The following HNRNPA1L2 variants were observed in gnomAD, a reference collection of about 807,000 sequenced individuals.
HNRNPA1L2 encodes heterogeneous nuclear ribonucleoprotein A1 like 2.
In HNRNPA1L2, 10 loss-of-function variants were observed where a neutral mutation model predicts 18.2. The observed-to-expected ratio is 0.55, with a 90% confidence interval of 0.34 to 0.93. The LOEUF (loss-of-function observed/expected upper bound fraction) is 0.93, where lower values mean the gene tolerates loss of function less well. Among genes scored for constraint, HNRNPA1L2 ranks in the 40% least tolerant of loss-of-function variants. The pLI is 0.02. For synonymous variants in HNRNPA1L2, 124 were observed against 138.6 expected (o/e 0.89, Z 0.74); for missense variants, 308 against 394.4 (o/e 0.78, Z 1.85).
chr13:52,628,830 T>C, the HNRNPA1L2 span, among the ~76,000 whole-genome samples: 1 of 152,258 alleles, frequency 6.6e-6, no homozygotes, highest in African/African-American at 2.4e-5. Context: ...GTTATCACTG[T>C]CCTGTTTCAG....
At chr13:52,633,752 C>T in the HNRNPA1L2 span, among the ~76,000 whole-genome samples, 2 of 152,088 alleles carry the variant, frequency 1.3e-5, no homozygotes, top group Middle Eastern at 3.2e-3. Flanking sequence ...TTCGATGCTG[C>T]AATGAGTTAC....
chr13:52,618,931 A>T, the HNRNPA1L2 span, among the ~76,000 whole-genome samples: 6 of 152,220 alleles, frequency 3.9e-5, no homozygotes, highest in Non-Finnish European at 7.3e-5. Context: ...TCTTGAAAGG[A>T]AACATTGTAG....
At chr13:52,634,973 A>T in the HNRNPA1L2 span, among the ~76,000 whole-genome samples, 4 of 152,266 alleles carry the variant, frequency 2.6e-5, no homozygotes, top group Non-Finnish European at 5.9e-5. Flanking sequence ...GTAAAATATG[A>T]TGATCCTAAT....
chr13:52,642,849 T>A lies in HNRNPA1L2; in HGVS notation c.357T>A (p.His119Gln). Residue 119 changes from histidine to glutamine, a missense_variant, in exon 1 of 1, where the codon CAT (histidine) becomes CAA (glutamine). His to Gln is a conservative substitution (Grantham distance 24). Transcript: ENST00000357495. ...GCATTAAAGAAGACACTGAAGAACA[T>A]CACCTAAGAGATTATTTTGAACAGT... ...VGGIKEDTEEHHLRDYFEQYG... is the reference protein window; with the variant it reads ...VGGIKEDTEEQHLRDYFEQYG... 6.3e-7 allele frequency: 1 copy of A among 1,596,522 alleles called. No homozygotes were observed. The highest frequency in any genetic ancestry group is 8.5e-7 in the Non-Finnish European group (1 of 1,179,656).
the HNRNPA1L2 span, among the ~76,000 whole-genome samples, chr13:52,626,172 A>G: frequency 3.9e-5 from 6 of 152,058 alleles, no homozygotes; most frequent in Non-Finnish European, 5.9e-5. Context: ...TTTCTCCAAG[A>G]ACTTTAGGAA....
chr13:52,619,624 T>G, the HNRNPA1L2 span, among the ~76,000 whole-genome samples: 9,340 of 151,996 alleles, frequency 0.061, 330 homozygotes, highest in African/African-American at 0.095. Context: ...GTGTTAACTT[T>G]AAGTGTAGAA....
chr13:52,621,310 C>G, the HNRNPA1L2 span, among the ~76,000 whole-genome samples: 1 of 152,128 alleles, frequency 6.6e-6, no homozygotes, highest in Non-Finnish European at 1.5e-5. Context: ...TTTAGCTTAG[C>G]TTACAAGTGG....
chr13:52,642,600 AT>A lies in HNRNPA1L2; in HGVS notation c.109del (p.Trp37GlyfsTer9), dbSNP rs780054685. 6.2e-7 allele frequency: 1 copy of A among 1,611,906 alleles called. No individual in the cohort carries two copies. The highest frequency in any genetic ancestry group is 8.5e-7 in the Non-Finnish European group (1 of 1,179,838). ...DESLRSHFEQ[W>X]GTLTDCVVMR... ...AGAGCCTGAGGAGCCATTTTGAGCA[AT>A]GGGGAACGCTCACAGACTGTGTGGT... On this transcript the variant is annotated frameshift_variant, in exon 1 of 1. Transcript: ENST00000357495. LOFTEE classifies it high-confidence loss of function.
At chr13:52,642,293 G>A, upstream of HNRNPA1L2, 1 of 705,774 alleles carries the variant, frequency 1.4e-6, no homozygotes. Context: ...CTACTGTTAT[G>A]TATACTTGTC....
the HNRNPA1L2 span, among the ~76,000 whole-genome samples, chr13:52,626,422 C>T: frequency 7.3e-6 from 1 of 137,778 alleles, no homozygotes; most frequent in African/African-American, 2.7e-5. Flanking sequence ...GAGATCCCAT[C>T]TCTTAAAAAA....
the HNRNPA1L2 span, among the ~76,000 whole-genome samples, chr13:52,633,174 T>C: frequency 1.3e-5 from 2 of 152,236 alleles, no homozygotes; most frequent in East Asian, 3.8e-4. Flanking sequence ...TATATCTCTA[T>C]GCTATTACAT....
chr13:52,639,897 T>TTTTTTTTTTTTG (rs1961599067), upstream of HNRNPA1L2, among the ~76,000 whole-genome samples: 4 of 133,642 alleles, frequency 3.0e-5, no homozygotes, highest in African/African-American at 1.2e-4. Flanking sequence ...TTTTTTTTTG[T>TTTTTTTTTTTTG]TTTTTTTTTT....
chr13:52,625,707 A>C, the HNRNPA1L2 span, among the ~76,000 whole-genome samples: 1 of 152,240 alleles, frequency 6.6e-6, no homozygotes, highest in African/African-American at 2.4e-5. Context: ...AATGATGTGG[A>C]ATACGGTTAA....
chr13:52,637,997 C>T (rs1247887942), upstream of HNRNPA1L2, among the ~76,000 whole-genome samples: 1 of 151,968 alleles, frequency 6.6e-6, no homozygotes, highest in African/African-American at 2.4e-5. Flanking sequence ...TAAGATAATT[C>T]TTATACAAAA....
the HNRNPA1L2 span, among the ~76,000 whole-genome samples, chr13:52,631,068 G>T: frequency 6.6e-6 from 1 of 152,204 alleles, no homozygotes; most frequent in Non-Finnish European, 1.5e-5. Flanking sequence ...AGCTAAAGGG[G>T]AGTAAGGGGA....
chr13:52,638,547 A>G (rs928767104), upstream of HNRNPA1L2, among the ~76,000 whole-genome samples: 6 of 152,190 alleles, frequency 3.9e-5, no homozygotes, highest in African/African-American at 1.4e-4. Context: ...TTGTCTTACC[A>G]CTATTCTTAA....
the HNRNPA1L2 span, among the ~76,000 whole-genome samples, chr13:52,632,186 C>T: frequency 6.6e-6 from 1 of 152,108 alleles, no homozygotes; most frequent in East Asian, 1.9e-4. Flanking sequence ...CTAATCTTTT[C>T]AGTTGGATAT....
chr13:52,625,616 T>C, the HNRNPA1L2 span, among the ~76,000 whole-genome samples: 1 of 152,212 alleles, frequency 6.6e-6, no homozygotes, highest in South Asian at 2.1e-4. Context: ...AATATTCACC[T>C]ATGTTCTGTG....
the HNRNPA1L2 span, among the ~76,000 whole-genome samples, chr13:52,626,830 T>A: frequency 2.0e-5 from 3 of 152,188 alleles, no homozygotes; most frequent in Admixed American, 6.5e-5. Flanking sequence ...ACCTTCCCAG[T>A]TAGTAGCCTT....
Sources: allele counts gnomAD v4.1 joint callset (sites outside exome capture counted in the v4.1 genomes callset), GRCh38; gene constraint gnomAD v4.1.1; transcripts MANE v1.5; gene names NCBI Gene and HGNC (gene_info 2026-07-23, HGNC 2026-07-21).